Variants in ATP7A observed in about 807,000 individuals in gnomAD.
ATP7A encodes the protein copper-transporting ATPase 1.
In ATP7A, 7 loss-of-function variants were observed where a neutral mutation model predicts 83.5. The observed-to-expected ratio is 0.08, with a 90% CI of 0.05 to 0.16. The LOEUF (loss-of-function observed/expected upper bound fraction) is 0.16, where lower values mean the gene tolerates loss of function less well. Ranked by LOEUF, ATP7A falls within the 10% of genes least tolerant of loss-of-function variation. ATP7A has a pLI of 1.00. For missense variants in ATP7A, 940 were observed against 1,120.8 expected (o/e 0.84, Z 2.30); for synonymous variants, 354 against 395.2 (o/e 0.90, Z 1.24).
Position 78,033,668 on chromosome X carries a change from A to G in ATP7A, c.3358A>G (p.Ser1120Gly), listed in dbSNP as rs781914030. The G allele has an allele frequency of 4.1e-6, 5 of 1,209,719 alleles. No individual in the cohort carries two copies. In the South Asian group the frequency reaches 8.8e-5, roughly 21 times the overall value. ...DFQVVPGCGISCKVTNIEGLL... is the reference protein window; with the variant it reads ...DFQVVPGCGIGCKVTNIEGLL... ...CCAGGTTGTGCCAGGCTGTGGTATT[A>G]GCTGTAAAGTCACCAATATTGAAGG... is the stretch of plus-strand genomic sequence containing the variant. Residue 1120 changes from serine to glycine, a missense_variant, in exon 17 of 23, where the codon AGC (serine) becomes GGC (glycine). This residue lies in a region of ATP7A where 386 missense variants were observed against 502.2 expected (regional missense o/e 0.77). Transcript: ENST00000341514.
chrX:77,988,860 C>A, intron 3 of ATP7A, 129 bp downstream of exon 3: 1 of 861,458 alleles, frequency 1.2e-6, no homozygotes, highest in African/African-American at 2.0e-5. Flanking sequence ...CATTGAGGTA[C>A]AGCATATTCC....
At chrX:78,014,189 C>T (rs1308602418) in intron 10 of ATP7A, among the ~76,000 whole-genome samples, 1 of 109,951 alleles carries the variant, frequency 9.1e-6, no homozygotes, top group Non-Finnish European at 1.9e-5. Flanking sequence ...GGGTGGATCA[C>T]GAGGTCAGGA....
intron 1 of ATP7A, among the ~76,000 whole-genome samples, chrX:77,921,059 C>CT (rs782628014): frequency 8.9e-6 from 1 of 112,176 alleles, no homozygotes; most frequent in East Asian, 2.8e-4. Flanking sequence ...AATTTCTTTC[C>CT]TTTTTATGGC....
chrX:77,985,901 C>T (rs2077633949), intron 2 of ATP7A, among the ~76,000 whole-genome samples: 1 of 111,120 alleles, frequency 9.0e-6, no homozygotes, highest in African/African-American at 3.3e-5. Flanking sequence ...AAATTATTTA[C>T]AGTCATTTTC....
intron 12 of ATP7A, among the ~76,000 whole-genome samples, chrX:78,019,255 A>G (rs2077889104): frequency 9.0e-6 from 1 of 111,719 alleles, no homozygotes; most frequent in Non-Finnish European, 1.9e-5. Flanking sequence ...GAGCTATGAC[A>G]CGAGTCCAGG....
chrX:77,982,210 C>G (rs1345901976), intron 2 of ATP7A, among the ~76,000 whole-genome samples: 2 of 111,582 alleles, frequency 1.8e-5, no homozygotes, highest in Admixed American at 1.9e-4. Context: ...TGACTTCAGT[C>G]TCCACATCTG....
At position 77,943,468 on chromosome X, in the gene ATP7A, C is replaced by T. The variant is rs2077362237; in HGVS notation, c.-21-28153C>T. Among the ~76,000 whole-genome samples the T allele has an allele frequency of 2.7e-5, 3 of 111,545 alleles. No homozygotes were observed. In the Admixed American group the frequency reaches 2.9e-4, roughly 11 times the overall value. On this transcript the variant is annotated intron_variant, in intron 1 of 22. Transcript: ENST00000341514. The stretch of plus-strand genomic sequence containing the variant: ...CTTGGGTTTGGGAAAAAGCTATCTA[C>T]AAATGTCCAAAGCTATAGAAGACAA...
chrX:77,944,287 C>G (rs1557225949), intron 1 of ATP7A, among the ~76,000 whole-genome samples: 1 of 111,895 alleles, frequency 8.9e-6, no homozygotes, highest in East Asian at 2.8e-4. Flanking sequence ...AAAGTGTACA[C>G]AGAAGAAAGT....
At chrX:78,009,075 G>T in intron 6 of ATP7A, 27 bp from the exon 7 acceptor site, 1 of 1,174,818 alleles carries the variant, frequency 8.5e-7, no homozygotes, top group Non-Finnish European at 1.2e-6. Context: ...GTATATTCCT[G>T]AAGAACAAAT....
chrX:77,932,408 C>G (rs1225588134), intron 1 of ATP7A, among the ~76,000 whole-genome samples: 2 of 107,885 alleles, frequency 1.9e-5, no homozygotes, highest in African/African-American at 6.8e-5. Context: ...AGAGACGCTC[C>G]TCACTTTCCA....
Position 77,982,054 on chromosome X carries a change from T to C in ATP7A, c.121-6188T>C, listed in dbSNP as rs782412650. ...CATTATATTTTTCAGCAAACCATAA[T>C]GGAATTTGTATTGAGACTGTATGTA... is the stretch of plus-strand genomic sequence containing the variant. On this transcript the variant is annotated intron_variant, in intron 2 of 22. Coordinates refer to ENST00000341514, the MANE Select transcript of ATP7A (RefSeq NM_000052.7). Among the ~76,000 whole-genome samples the C allele has an allele frequency of 9.0e-5, 10 of 111,668 alleles. No individual in the cohort carries two copies. The East Asian group carries it at 2.5e-3, about 28-fold the overall frequency.
Position 78,025,606 on chromosome X carries a change from G to A in ATP7A, c.2917-3644G>A, listed in dbSNP as rs561181319. Among the ~76,000 whole-genome samples, 30 of 111,626 alleles carry A rather than the reference G, an allele frequency of 2.7e-4. 1 individual carries two copies. The South Asian group carries it at 0.011, about 41-fold the overall frequency. Reference sequence around the variant, plus strand: ...AGAACTCCTGCAAGACACTATACAAGATGACCATCCTCAGGGCACACAGGC... The same window carrying A: ...AGAACTCCTGCAAGACACTATACAAAATGACCATCCTCAGGGCACACAGGC... On this transcript the variant is annotated intron_variant, in intron 14 of 22. Coordinates refer to ENST00000341514, the MANE Select transcript of ATP7A (RefSeq NM_000052.7).
At chrX:77,937,907 A>G (rs2077329194) in intron 1 of ATP7A, among the ~76,000 whole-genome samples, 1 of 107,933 alleles carries the variant, frequency 9.3e-6, no homozygotes, top group Admixed American at 1.0e-4. Context: ...ACACACACAC[A>G]CACATACACA....
intron 3 of ATP7A, 136 bp from the exon 4 acceptor site, chrX:77,989,097 A>C: frequency 2.5e-6 from 2 of 803,198 alleles, no homozygotes; most frequent in Non-Finnish European, 3.4e-6. Flanking sequence ...TTTTCTGAAA[A>C]GAAAAAAAAT....
At chrX:77,933,257 G>A (rs2077299806) in intron 1 of ATP7A, among the ~76,000 whole-genome samples, 1 of 111,860 alleles carries the variant, frequency 8.9e-6, no homozygotes, top group African/African-American at 3.3e-5. Flanking sequence ...CAGCTAGCAA[G>A]CAGCAGAGAT....
intron 6 of ATP7A, among the ~76,000 whole-genome samples, chrX:78,003,904 T>C (rs2077756416): frequency 9.0e-6 from 1 of 111,310 alleles, no homozygotes. Flanking sequence ...ATCACACCAC[T>C]GCACTCCAGC....
At chrX:77,928,609 T>C (rs1260056137) in intron 1 of ATP7A, among the ~76,000 whole-genome samples, 1 of 111,503 alleles carries the variant, frequency 9.0e-6, no homozygotes, top group African/African-American at 3.3e-5. Context: ...ACTATATGTT[T>C]CCCCACACGA....
rs1167420880 is a variant in ATP7A, at chrX:78,002,264, T to G, written c.1544-809T>G. ...TTTGTATTTTTTTTTTTTTTTTTTG[T>G]AGAGACAGGGTTTTGCCATATTGCC... On this transcript the variant is annotated intron_variant, in intron 5 of 22. Transcript: ENST00000341514. Among the ~76,000 whole-genome samples the G allele has an allele frequency of 2.9e-5, 3 of 103,657 alleles. No homozygotes were observed. The highest frequency in any genetic ancestry group is 6.0e-4 in the East Asian group (2 of 3,338). The allele number at this position is 103,657 out of a possible 115,157, so 90.0% of individuals were successfully genotyped here.
intron 17 of ATP7A, among the ~76,000 whole-genome samples, chrX:78,035,840 A>C (rs1376120785): frequency 8.9e-6 from 1 of 111,938 alleles, no homozygotes; most frequent in Non-Finnish European, 1.9e-5. Flanking sequence ...CTCTTCAGTG[A>C]CACCCTCATT....
Sources: gnomAD v4.1 joint callset for allele counts (sites outside exome capture counted in the v4.1 genomes callset) on GRCh38, gnomAD v4.1.1 for gene constraint, gnomAD v4.1.1 regional missense constraint, MANE v1.5 for transcripts, NCBI Gene and HGNC (gene_info 2026-07-23, HGNC 2026-07-21) for gene names.